Variants in GRIN2B observed in about 807,000 individuals in gnomAD.
GRIN2B encodes the protein glutamate receptor ionotropic, NMDA 2B.
In GRIN2B, 5 loss-of-function variants were observed where a neutral mutation model predicts 114.5. The observed-to-expected ratio is 0.04, with a 90% CI of 0.02 to 0.09. GRIN2B has a LOEUF of 0.09. Among genes scored for constraint, GRIN2B ranks in the 10% least tolerant of loss-of-function variants. GRIN2B has a pLI of 1.00. For missense variants in GRIN2B, 1,108 were observed against 1,943.5 expected (o/e 0.57, Z 8.08); for synonymous variants, 787 against 745.1 (o/e 1.06, Z -0.92).
chr12:13,557,176 A>G lies in GRIN2B; in HGVS notation c.*5607T>C, dbSNP rs1425023506. The G allele has an allele frequency of 6.6e-6, 1 of 152,152 alleles. No homozygotes were observed. Among genetic ancestry groups the G allele is most frequent in the Non-Finnish European group, 1.5e-5 (1 of 68,050 alleles). The allele number at this position is 152,152 out of a possible 1,614,324, so 9.4% of individuals were successfully genotyped here. A position where few individuals can be genotyped will look rare whatever the true frequency, so the allele number is the denominator to read the frequency against. On this transcript the variant is annotated 3_prime_UTR_variant, in exon 14 of 14. Coordinates refer to ENST00000609686, the MANE Select transcript of GRIN2B (RefSeq NM_000834.5). ...CTCAGATATCCTATGATTTTATACA[A>G]TACTGCAACCCCACCCCCCAAACTA...
chr12:13,830,197 AG>A (rs1453204084), intron 3 of GRIN2B, among the ~76,000 whole-genome samples: 1 of 152,246 alleles, frequency 6.6e-6, no homozygotes, highest in Non-Finnish European at 1.5e-5. Context: ...AAACAAAAGC[AG>A]GGCACAGTTA....
At chr12:13,768,467 T>C (rs1006200779) in intron 3 of GRIN2B, among the ~76,000 whole-genome samples, 9 of 152,106 alleles carry the variant, frequency 5.9e-5, no homozygotes, top group Non-Finnish European at 1.3e-4. Context: ...AAGCAGAAGC[T>C]ATGGGATAGC....
At chr12:13,799,564 C>G (rs11609120) in intron 3 of GRIN2B, among the ~76,000 whole-genome samples, 17,014 of 152,168 alleles carry the variant, frequency 0.11, 1,252 homozygotes, top group Middle Eastern at 0.16. Flanking sequence ...TCTCCAGGTG[C>G]TGTTCCTGCT....
chr12:13,567,103 G>C lies in GRIN2B; in HGVS notation c.2520C>G (p.His840Gln), dbSNP rs1565455827. 6 of 1,614,176 alleles carry C rather than the reference G, an allele frequency of 3.7e-6. No homozygotes were observed. Among genetic ancestry groups the C allele is most frequent in the South Asian group, 1.1e-5 (1 of 91,066 alleles). ...ALSLITFICE[H>Q]LFYWQFRHCF... ...AATGTCGGAACTGCCAATAGAAAAG[G>C]TGTTCGCAGATGAAGGTGATGAGGC... The change falls in exon 13 of 14, where the codon CAC (histidine) becomes CAG (glutamine). Residue 840 changes from histidine (H) to glutamine (Q), a missense_variant. Physicochemically the swap from His to Gln is conservative, Grantham distance 24 (BLOSUM62 0). Coordinates refer to ENST00000609686, the MANE Select transcript of GRIN2B (RefSeq NM_000834.5).
chr12:13,945,938 A>G (rs1442289172), intron 2 of GRIN2B, among the ~76,000 whole-genome samples: 2 of 152,192 alleles, frequency 1.3e-5, no homozygotes, highest in Admixed American at 1.3e-4. Flanking sequence ...AACAGTGCAT[A>G]TTATAACAAT....
chr12:13,590,396 C>A (rs373605349), intron 10 of GRIN2B, among the ~76,000 whole-genome samples: 18 of 152,196 alleles, frequency 1.2e-4, no homozygotes, highest in East Asian at 7.8e-4. Flanking sequence ...CCTAGCCCCC[C>A]ACTCCCGACA....
At chr12:13,575,673 C>CAATAATAATAAT (rs58985272) in intron 10 of GRIN2B, among the ~76,000 whole-genome samples, 2,859 of 147,666 alleles carry the variant, frequency 0.019, 37 homozygotes, top group Non-Finnish European at 0.031. Context: ...ATGATAACAA[C>CAATAATAATAAT]AATAATAATA....
chr12:13,605,558 C>CTCTCTCTG (rs1565472545), intron 10 of GRIN2B, among the ~76,000 whole-genome samples: 1 of 143,106 alleles, frequency 7.0e-6, no homozygotes, highest in Admixed American at 7.0e-5. Flanking sequence ...CTCTGACACA[C>CTCTCTCTG]ACACACACAC....
chr12:13,553,151 A>G lies in GRIN2B; in HGVS notation c.*9632T>C, dbSNP rs1355991922. Reference sequence around the variant, plus strand: ...TTTCTTCAGAGGGACAGAGACTGACACTGGCTAGAAAGAATGATTGATAGA... The same window carrying G: ...TTTCTTCAGAGGGACAGAGACTGACGCTGGCTAGAAAGAATGATTGATAGA... On this transcript the variant is annotated 3_prime_UTR_variant, in exon 14 of 14. Transcript: ENST00000609686. 2.6e-5 allele frequency: 4 copies of G among 152,238 alleles called. No homozygotes were observed. The highest frequency in any genetic ancestry group is 5.9e-5 in the Non-Finnish European group (4 of 68,070). 9.4% of individuals were successfully genotyped at this position (152,238 alleles called of 1,614,324 possible).
chr12:13,583,768 A>G (rs1342097445), intron 10 of GRIN2B, among the ~76,000 whole-genome samples: 2 of 152,094 alleles, frequency 1.3e-5, no homozygotes, highest in Admixed American at 6.6e-5. Context: ...AAGCACTGGG[A>G]CGTGAGCATG....
intron 3 of GRIN2B, among the ~76,000 whole-genome samples, chr12:13,786,320 C>A (rs1321241887): frequency 6.6e-6 from 1 of 152,074 alleles, no homozygotes; most frequent in Non-Finnish European, 1.5e-5. Context: ...CACCCAGTAA[C>A]CCTGTTAATA....
At chr12:13,834,109 C>A (rs571684686) in intron 3 of GRIN2B, among the ~76,000 whole-genome samples, 325 of 135,790 alleles carry the variant, frequency 2.4e-3, no homozygotes, top group Non-Finnish European at 3.6e-3. Context: ...TGGCTCACTG[C>A]AAGCTCTGCC....
At chr12:13,923,421 G>T (rs1238183193) in intron 2 of GRIN2B, among the ~76,000 whole-genome samples, 1 of 152,180 alleles carries the variant, frequency 6.6e-6, no homozygotes, top group African/African-American at 2.4e-5. Flanking sequence ...ACATGAAATT[G>T]CAATGAGATG....
rs1948235888 is a variant in GRIN2B at position 13,538,278 on chromosome 12, G to A, written c.*24505C>T. 6.6e-6 allele frequency: 1 copy of A among 152,204 alleles called. No individual in the cohort carries two copies. The highest frequency in any genetic ancestry group is 1.5e-5 in the Non-Finnish European group (1 of 68,070). 9.4% of individuals were successfully genotyped at this position (152,204 alleles called of 1,614,324 possible). The stretch of plus-strand genomic sequence containing the variant: ...AGTCCCTTGCAGTGGACTTCAGGGT[G>A]GCACAAGGGCATGTAGGACACAGGT... On this transcript the variant is annotated 3_prime_UTR_variant, in exon 14 of 14. Transcript: ENST00000609686.
At chr12:13,904,467 G>A (rs1484893899) in intron 2 of GRIN2B, among the ~76,000 whole-genome samples, 2 of 151,958 alleles carry the variant, frequency 1.3e-5, no homozygotes, top group African/African-American at 4.8e-5. Flanking sequence ...CACTTTTGTT[G>A]TCATTATTTT....
intron 2 of GRIN2B, among the ~76,000 whole-genome samples, chr12:13,962,237 C>T (rs529059451): frequency 2.6e-5 from 4 of 152,146 alleles, no homozygotes; most frequent in Admixed American, 6.5e-5. Context: ...AGGAACCAGG[C>T]GGGAGCAGAG....
chr12:13,664,716 T>C (rs556988624), intron 5 of GRIN2B, among the ~76,000 whole-genome samples: 1 of 152,300 alleles, frequency 6.6e-6, no homozygotes, highest in African/African-American at 2.4e-5. Context: ...GTTTAATTTA[T>C]CTCATTTTAT....
At chr12:13,570,587 A>G (rs1806212) in intron 11 of GRIN2B, among the ~76,000 whole-genome samples, 144,599 of 152,232 alleles carry the variant, frequency 0.95, 69,133 homozygotes, top group East Asian at 1. Flanking sequence ...TACAAGAGAA[A>G]GCAAAATACA....
At chr12:13,919,153 A>C (rs918793745) in intron 2 of GRIN2B, among the ~76,000 whole-genome samples, 4 of 152,156 alleles carry the variant, frequency 2.6e-5, no homozygotes, top group African/African-American at 9.7e-5. Flanking sequence ...CATATAACCA[A>C]ACCTTCCCAC....
Sources: allele counts gnomAD v4.1 joint callset (sites outside exome capture counted in the v4.1 genomes callset), GRCh38; gene constraint gnomAD v4.1.1; transcripts MANE v1.5; gene names NCBI Gene and HGNC (gene_info 2026-07-23, HGNC 2026-07-21).